The following KLHL32 variants were observed in gnomAD, a reference collection of about 807,000 sequenced individuals.
KLHL32 encodes kelch like family member 32.
In KLHL32, 35 loss-of-function variants were observed where a neutral mutation model predicts 64.8. The ratio of observed to expected loss-of-function variants is 0.54; its 90% CI spans 0.41 to 0.72. The LOEUF is 0.72. Among genes scored for constraint, KLHL32 ranks in the 30% least tolerant of loss-of-function variants. The pLI is 0.00. For synonymous variants in KLHL32, 259 were observed against 281.0 expected (o/e 0.92, Z 0.78); for missense variants, 589 against 768.5 (o/e 0.77, Z 2.76).
chr6:97,100,724 T>TAATATTG, intron 6 of KLHL32, among the ~76,000 whole-genome samples: 1 of 151,996 alleles, frequency 6.6e-6, no homozygotes, highest in East Asian at 1.9e-4. Flanking sequence ...CATTTGGTTA[T>TAATATTG]AATATTGAAG....
At chr6:96,908,281 T>C in the KLHL32 span, among the ~76,000 whole-genome samples, 1 of 152,222 alleles carries the variant, frequency 6.6e-6, no homozygotes, top group African/African-American at 2.4e-5. Context: ...AAGCTGATGT[T>C]AATTAACATC....
intron 3 of KLHL32, among the ~76,000 whole-genome samples, chr6:97,022,810 T>G (rs116597032): frequency 0.01 from 1,580 of 152,306 alleles, 32 homozygotes; most frequent in African/African-American, 0.037. Flanking sequence ...ATTAGTTCAT[T>G]TTCATACTGC....
chr6:97,123,700 G>T (rs909700296), intron 7 of KLHL32, among the ~76,000 whole-genome samples: 1 of 152,146 alleles, frequency 6.6e-6, no homozygotes, highest in Non-Finnish European at 1.5e-5. Flanking sequence ...CCTCCCTGGG[G>T]TGGGGGAGGG....
At chr6:96,986,391 G>A (rs933948215) in intron 3 of KLHL32, among the ~76,000 whole-genome samples, 14 of 152,274 alleles carry the variant, frequency 9.2e-5, no homozygotes, top group African/African-American at 2.2e-4. Flanking sequence ...CACTACTCTC[G>A]TCAAGGCTGT....
At chr6:97,035,767 G>GTTAAATT (rs1784203467) in intron 3 of KLHL32, among the ~76,000 whole-genome samples, 1 of 151,908 alleles carries the variant, frequency 6.6e-6, no homozygotes, top group Non-Finnish European at 1.5e-5. Flanking sequence ...AAAATTCTCT[G>GTTAAATT]TCTTTAACTT....
chr6:97,139,619 A>T lies in KLHL32; in HGVS notation c.*337A>T, dbSNP rs1800464552. 1 of 182,458 alleles carries T rather than the reference A, an allele frequency of 5.5e-6. No individual in the cohort carries two copies. Among genetic ancestry groups the T allele is most frequent in the African/African-American group, 2.4e-5 (1 of 42,406 alleles). The allele number at this position is 182,458 out of a possible 1,614,324, so 11.3% of individuals were successfully genotyped here. A position where few individuals can be genotyped will look rare whatever the true frequency, so the allele number is the denominator to read the frequency against. Reference sequence around the variant, plus strand: ...CATAACACTGTTAGTAAGGCAATTTATTGGACACAATGGCATCGATGATCT... The same window carrying T: ...CATAACACTGTTAGTAAGGCAATTTTTTGGACACAATGGCATCGATGATCT... On this transcript the variant is annotated 3_prime_UTR_variant, in exon 11 of 11. Transcript: ENST00000369261.
chr6:97,018,560 C>T (rs1316092379), intron 3 of KLHL32, among the ~76,000 whole-genome samples: 1 of 150,638 alleles, frequency 6.6e-6, no homozygotes, highest in Admixed American at 6.6e-5. Context: ...GAGATCACAC[C>T]ACTGTGCTCC....
intron 1 of KLHL32, among the ~76,000 whole-genome samples, chr6:96,933,626 A>ATTGAC (rs1442481858): frequency 5.3e-5 from 8 of 152,174 alleles, no homozygotes; most frequent in Admixed American, 5.2e-4. Context: ...ATGGAAGCAT[A>ATTGAC]TTGACAGTTT....
chr6:97,000,933 A>G (rs1420270134), intron 3 of KLHL32, among the ~76,000 whole-genome samples: 2 of 152,228 alleles, frequency 1.3e-5, no homozygotes, highest in Non-Finnish European at 2.9e-5. Flanking sequence ...CCAGTCTAAA[A>G]AGACTATCTA....
At chr6:97,006,392 C>T (rs1779667994) in intron 3 of KLHL32, among the ~76,000 whole-genome samples, 1 of 152,126 alleles carries the variant, frequency 6.6e-6, no homozygotes, top group Non-Finnish European at 1.5e-5. Flanking sequence ...TACTTTGAGC[C>T]TATCGGGGTT....
chr6:97,012,755 A>G (rs1780575896), intron 3 of KLHL32, among the ~76,000 whole-genome samples: 1 of 152,212 alleles, frequency 6.6e-6, no homozygotes, highest in Admixed American at 6.5e-5. Context: ...TAGGTTTCAG[A>G]TTTGAAGAGC....
chr6:96,924,746 TC>T lies in KLHL32; in HGVS notation c.-342del. On this transcript the variant is annotated 5_prime_UTR_variant, in exon 1 of 11. Coordinates refer to ENST00000369261, the MANE Select transcript of KLHL32 (RefSeq NM_052904.4). ...GCTTTTTATTTACTAGGGAGCAGTTTCCCCGCGCGACAGTTCGGGAGCGCGC... is the reference window on the plus strand; with the variant it reads ...GCTTTTTATTTACTAGGGAGCAGTTTCCCGCGCGACAGTTCGGGAGCGCGC... The T allele has an allele frequency of 6.6e-6, 1 of 152,294 alleles. No homozygotes were observed. Among genetic ancestry groups the T allele is most frequent in the Non-Finnish European group, 1.5e-5 (1 of 68,454 alleles). 9.4% of individuals were successfully genotyped at this position (152,294 alleles called of 1,614,324 possible). A position where few individuals can be genotyped will look rare whatever the true frequency, so the allele number is the denominator to read the frequency against.
At chr6:97,130,573 C>G (rs1799330491) in intron 8 of KLHL32, among the ~76,000 whole-genome samples, 184 bp from the exon 9 acceptor site, 1 of 152,088 alleles carries the variant, frequency 6.6e-6, no homozygotes, top group Admixed American at 6.5e-5. Context: ...GAATATGTGG[C>G]TCTTTTGTAC....
intron 3 of KLHL32, among the ~76,000 whole-genome samples, chr6:96,984,278 C>G (rs1406022298): frequency 6.6e-6 from 1 of 152,148 alleles, no homozygotes; most frequent in Admixed American, 6.5e-5. Context: ...TTTACATTTG[C>G]TGAGGAGTGC....
intron 5 of KLHL32, among the ~76,000 whole-genome samples, chr6:97,069,258 G>T (rs938861987): frequency 2.6e-5 from 4 of 152,154 alleles, no homozygotes; most frequent in African/African-American, 9.7e-5. Flanking sequence ...TGTTTACTCA[G>T]CATCCCTTGT....
chr6:97,060,683 T>C (rs1483222935), intron 4 of KLHL32, among the ~76,000 whole-genome samples: 1 of 152,164 alleles, frequency 6.6e-6, no homozygotes, highest in Admixed American at 6.5e-5. Context: ...CCTGCTTGGA[T>C]TGGTGACCAG....
At chr6:97,034,909 G>A (rs1382910255) in intron 3 of KLHL32, among the ~76,000 whole-genome samples, 1 of 151,922 alleles carries the variant, frequency 6.6e-6, no homozygotes, top group Non-Finnish European at 1.5e-5. Flanking sequence ...TGAATCTTCA[G>A]GGTTTCCTAC....
chr6:97,001,954 C>T (rs1009320927), intron 3 of KLHL32, among the ~76,000 whole-genome samples: 3 of 152,006 alleles, frequency 2.0e-5, no homozygotes, highest in Non-Finnish European at 2.9e-5. Flanking sequence ...GTGAGTTCTC[C>T]AAAGAAACAT....
intron 4 of KLHL32, among the ~76,000 whole-genome samples, chr6:97,053,728 A>T (rs550443478): frequency 1.7e-4 from 26 of 151,862 alleles, no homozygotes; most frequent in African/African-American, 6.0e-4. Context: ...TGTTTTTTTT[A>T]ATTTATATAC....
Sources: gnomAD v4.1 joint callset for allele counts (sites outside exome capture counted in the v4.1 genomes callset) on GRCh38, gnomAD v4.1.1 for gene constraint, MANE v1.5 for transcripts, NCBI Gene and HGNC (gene_info 2026-07-23, HGNC 2026-07-21) for gene names.